JMJD1C: variants seen among roughly 807,000 people sequenced by gnomAD.
JMJD1C encodes the protein jumonji domain containing 1C, also known as jumonji domain-containing protein 1C.
JMJD1C carries 31 observed loss-of-function variants against 245.3 expected under a neutral mutation model. That is an observed-to-expected ratio of 0.13 (90% CI 0.09 to 0.17). The LOEUF (loss-of-function observed/expected upper bound fraction) is 0.17. Among genes scored for constraint, JMJD1C ranks in the 10% least tolerant of loss-of-function variants. The pLI, the probability that JMJD1C is intolerant of heterozygous loss-of-function variation, is 1.00. For synonymous variants in JMJD1C, 1,057 were observed against 1,017.4 expected, an observed-to-expected ratio of 1.04 and a Z score of -0.74; for missense variants, 2,691 against 3,000.2, an observed-to-expected ratio of 0.90 and a Z score of 2.41.
intron 2 of JMJD1C, among the ~76,000 whole-genome samples, chr10:63,334,051 A>C (rs749150944): frequency 3.3e-5 from 5 of 152,216 alleles, no homozygotes; most frequent in Admixed American, 6.5e-5. Flanking sequence ...ACTCCTAAAT[A>C]ACCTTCAGAG....
chr10:63,268,639 G>A, intron 2 of JMJD1C: 1 of 903,600 alleles, frequency 1.1e-6, no homozygotes, highest in Non-Finnish European at 1.3e-6. Flanking sequence ...AAAGAAAAAG[G>A]AAGCAGAAAA....
At position 63,167,849 on chromosome 10, in the gene JMJD1C, CTTGT is replaced by C. The variant is rs1349309696; in HGVS notation, c.*192_*195del. 8 of 491,718 alleles carry C rather than the reference CTTGT, an allele frequency of 1.6e-5. No homozygotes were observed. The highest frequency in any genetic ancestry group is 2.2e-5 in the Non-Finnish European group (6 of 274,976). The allele number at this position is 491,718 out of a possible 1,614,324, so 30.5% of individuals were successfully genotyped here. On this transcript the variant is annotated 3_prime_UTR_variant, in exon 26 of 26. Coordinates refer to ENST00000399262, the MANE Select transcript of JMJD1C (RefSeq NM_032776.3). ...ATATAGTGCTGCTTTTAAAATTCTG[CTTGT>C]TTTATAACATTGAATCACAGGAGCT...
At chr10:63,343,204 A>T (rs768569209) in intron 2 of JMJD1C, among the ~76,000 whole-genome samples, 3 of 152,054 alleles carry the variant, frequency 2.0e-5, no homozygotes, top group East Asian at 1.9e-4. Context: ...TCTACAAAAA[A>T]TTTTTTTAAA....
At chr10:63,368,004 T>C (rs1945997826) in intron 2 of JMJD1C, among the ~76,000 whole-genome samples, 1 of 152,210 alleles carries the variant, frequency 6.6e-6, no homozygotes. Context: ...GCAATATTTA[T>C]AGGACATGCT....
intron 3 of JMJD1C, among the ~76,000 whole-genome samples, chr10:63,259,016 T>C (rs1854348168): frequency 6.6e-6 from 1 of 152,160 alleles, no homozygotes; most frequent in African/African-American, 2.4e-5. Flanking sequence ...TATAGAAATG[T>C]TACATTTTTA....
At chr10:63,274,131 A>G (rs935291931) in intron 2 of JMJD1C, among the ~76,000 whole-genome samples, 3 of 152,236 alleles carry the variant, frequency 2.0e-5, no homozygotes, top group African/African-American at 7.2e-5. Context: ...CAACAATCGT[A>G]GGAGGAATTC....
intron 2 of JMJD1C, among the ~76,000 whole-genome samples, chr10:63,282,747 T>C (rs1400746009): frequency 2.0e-5 from 3 of 152,176 alleles, no homozygotes; most frequent in Non-Finnish European, 4.4e-5. Context: ...GACAGAGTCT[T>C]GCTCTATCGC....
In JMJD1C at chr10:63,213,551, T is replaced by C. The variant is rs754227900; in HGVS notation, c.2616A>G (p.Ala872=). The C allele has an allele frequency of 4.3e-6, 7 of 1,613,552 alleles. No individual in the cohort carries two copies. The highest frequency in any genetic ancestry group is 1.7e-4 in the Middle Eastern group (1 of 6,056). The part of the protein sequence containing the change: ...IIWQYPNGTH[A]YSGLGLPSSK... ...AAGAAGGCAAACCAAGTCCTGAGTA[T>C]GCATGTGTTCCATTTGGATACTGCC... The change falls in exon 8 of 26, where the codon GCA becomes GCG. Residue 872 remains alanine (A), a synonymous_variant. Coordinates refer to ENST00000399262, the MANE Select transcript of JMJD1C (RefSeq NM_032776.3).
intron 3 of JMJD1C, chr10:63,222,845 AC>A: frequency 6.9e-7 from 1 of 1,441,668 alleles, no homozygotes; most frequent in East Asian, 2.3e-5. Context: ...AGTCAAAAGT[AC>A]ACATGCTGGA....
chr10:63,391,790 AC>A (rs1180733604), intron 1 of JMJD1C, among the ~76,000 whole-genome samples: 1 of 152,168 alleles, frequency 6.6e-6, no homozygotes, highest in African/African-American at 2.4e-5. Context: ...AATAGAGAAA[AC>A]AATCCTAAAA....
intron 2 of JMJD1C, among the ~76,000 whole-genome samples, chr10:63,328,223 C>T (rs1313825796): frequency 1.3e-5 from 2 of 151,244 alleles, no homozygotes; most frequent in Non-Finnish European, 2.9e-5. Flanking sequence ...TACAGTAAGC[C>T]GAGATTGTGC....
chr10:63,275,591 T>C (rs1375968891), intron 2 of JMJD1C, among the ~76,000 whole-genome samples: 2 of 152,194 alleles, frequency 1.3e-5, no homozygotes, highest in African/African-American at 2.4e-5. Context: ...TAATTACTTT[T>C]ATTTCTGTCA....
At chr10:63,188,953 C>T (rs796637364) in intron 18 of JMJD1C, among the ~76,000 whole-genome samples, 4 of 152,246 alleles carry the variant, frequency 2.6e-5, no homozygotes, top group East Asian at 1.9e-4. Flanking sequence ...AAATAATCAA[C>T]GTTTCCCTAT....
chr10:63,248,521 A>AATAGATAGATAG (rs141160908), intron 3 of JMJD1C, among the ~76,000 whole-genome samples: 1,943 of 134,492 alleles, frequency 0.014, 50 homozygotes, highest in African/African-American at 0.038. Flanking sequence ...ACCTCATCTC[A>AATAGATAGATAG]ATAGATAGAT....
chr10:63,417,740 G>A (rs1291126049), intron 1 of JMJD1C, among the ~76,000 whole-genome samples: 1 of 151,962 alleles, frequency 6.6e-6, no homozygotes, highest in Non-Finnish European at 1.5e-5. Flanking sequence ...TCCAAACAAT[G>A]AAAAAATAGA....
chr10:63,278,383 G>T (rs956170327), intron 2 of JMJD1C, among the ~76,000 whole-genome samples: 1 of 145,894 alleles, frequency 6.9e-6, no homozygotes, highest in Non-Finnish European at 1.5e-5. Context: ...AAAATTAGCC[G>T]GGTGTGGTAG....
intron 3 of JMJD1C, among the ~76,000 whole-genome samples, chr10:63,238,395 G>T (rs1277134571): frequency 1.3e-5 from 2 of 151,864 alleles, no homozygotes; most frequent in African/African-American, 4.8e-5. Context: ...TAAACTGAAT[G>T]AAGCATATTA....
chr10:63,286,798 A>T (rs1186397977), intron 2 of JMJD1C, among the ~76,000 whole-genome samples: 3 of 152,242 alleles, frequency 2.0e-5, no homozygotes, highest in African/African-American at 7.2e-5. Flanking sequence ...GAAAGTGGTA[A>T]TGCTGCCTCC....
intron 3 of JMJD1C, among the ~76,000 whole-genome samples, chr10:63,239,255 G>A (rs1375767121): frequency 6.6e-6 from 1 of 152,160 alleles, no homozygotes; most frequent in African/African-American, 2.4e-5. Context: ...TTGAATTAAG[G>A]ACAGCAGAGT....
Sources: gnomAD v4.1 joint callset for allele counts (sites outside exome capture counted in the v4.1 genomes callset) on GRCh38, gnomAD v4.1.1 for gene constraint, MANE v1.5 for transcripts, NCBI Gene and HGNC (gene_info 2026-07-23, HGNC 2026-07-21) for gene names.